PCDH9: variants seen among roughly 807,000 people sequenced by gnomAD.
The protein encoded by PCDH9 is protocadherin 9.
Under a neutral mutation model 70.6 loss-of-function variants are expected in PCDH9, and 24 were observed. That is an observed-to-expected ratio of 0.34 (90% CI 0.25 to 0.48). The LOEUF is 0.48. PCDH9 is among the 20% of genes least tolerant of loss of function. The probability of loss-of-function intolerance (pLI) is 0.99; values close to 1 mark genes in which losing one functional copy is unlikely to be tolerated. For synonymous variants in PCDH9, 562 were observed against 558.5 expected (o/e 1.01, Z -0.09); for missense variants, 1,281 against 1,503.6 (o/e 0.85, Z 2.45).
At chr13:66,675,455 A>G (rs1278396663) in intron 3 of PCDH9, among the ~76,000 whole-genome samples, 2 of 152,144 alleles carry the variant, frequency 1.3e-5, no homozygotes, top group Non-Finnish European at 2.9e-5. Context: ...GAATTATTGC[A>G]TGTTTCTGGT....
intron 3 of PCDH9, among the ~76,000 whole-genome samples, chr13:66,683,190 C>T (rs1476427932): frequency 6.6e-6 from 1 of 152,104 alleles, no homozygotes; most frequent in East Asian, 1.9e-4. Context: ...AGACTCTTCC[C>T]ATTCATCTTT....
At chr13:66,760,673 T>C (rs1350861334) in intron 3 of PCDH9, among the ~76,000 whole-genome samples, 3 of 152,146 alleles carry the variant, frequency 2.0e-5, no homozygotes, top group African/African-American at 7.2e-5. Flanking sequence ...ACAAAGGAGA[T>C]AACCATAAAG....
chr13:66,926,349 C>G (rs977636126), intron 2 of PCDH9, among the ~76,000 whole-genome samples: 2 of 151,932 alleles, frequency 1.3e-5, no homozygotes, highest in Non-Finnish European at 2.9e-5. Flanking sequence ...TTATTCACTA[C>G]CCAACCCACT....
intron 2 of PCDH9, among the ~76,000 whole-genome samples, chr13:67,068,832 T>C (rs1437448623): frequency 1.3e-5 from 2 of 152,306 alleles, no homozygotes; most frequent in South Asian, 4.1e-4. Flanking sequence ...AATTATCCTG[T>C]TATGTGAAAA....
chr13:66,962,071 A>C (rs971588670), intron 2 of PCDH9, among the ~76,000 whole-genome samples: 1 of 150,900 alleles, frequency 6.6e-6, no homozygotes, highest in Non-Finnish European at 1.5e-5. Flanking sequence ...AAACAAAACA[A>C]AAAAAAAAGA....
intron 4 of PCDH9, among the ~76,000 whole-genome samples, chr13:66,579,777 A>T (rs150912184): frequency 7.2e-5 from 11 of 152,204 alleles, no homozygotes; most frequent in Non-Finnish European, 1.0e-4. Flanking sequence ...AAGAAGGATA[A>T]AAGGTAGCAA....
intron 4 of PCDH9, among the ~76,000 whole-genome samples, chr13:66,485,412 G>C (rs1566362400): frequency 1.3e-5 from 2 of 152,072 alleles, no homozygotes; most frequent in Admixed American, 1.3e-4. Flanking sequence ...ATAATATGCT[G>C]GGCTGCTTAA....
intron 4 of PCDH9, among the ~76,000 whole-genome samples, chr13:66,369,181 T>G (rs1442968115): frequency 1.3e-5 from 2 of 152,074 alleles, no homozygotes; most frequent in Non-Finnish European, 2.9e-5. Flanking sequence ...TTTTTAAGGG[T>G]GAACATCTGT....
In PCDH9 at chr13:67,076,685, T is replaced by G. The variant is rs116733080; in HGVS notation, c.3036+148720A>C. ...CAGCATCTGCAAAGTCTTCTGTAAT[T>G]TCTATGAAAACTATTAATAGAAGTA... On this transcript the variant is annotated intron_variant, in intron 2 of 4. Coordinates refer to ENST00000377865, the MANE Select transcript of PCDH9 (RefSeq NM_203487.3). Among the ~76,000 whole-genome samples, 1,146 of 152,264 alleles carry G rather than the reference T, an allele frequency of 7.5e-3. 17 individuals carry two copies. Among genetic ancestry groups the G allele is most frequent in the African/African-American group, 0.026 (1,065 of 41,552 alleles).
intron 4 of PCDH9, among the ~76,000 whole-genome samples, chr13:66,542,594 T>C (rs1173972096): frequency 6.6e-6 from 1 of 151,532 alleles, no homozygotes; most frequent in Non-Finnish European, 1.5e-5. Flanking sequence ...TACAATCGTG[T>C]GAGCCTATTC....
intron 2 of PCDH9, among the ~76,000 whole-genome samples, chr13:66,934,419 C>T (rs1323603431): frequency 6.6e-6 from 1 of 151,050 alleles, no homozygotes; most frequent in Non-Finnish European, 1.5e-5. Flanking sequence ...CGAGTGCCTG[C>T]AATCCCAGCT....
intron 3 of PCDH9, among the ~76,000 whole-genome samples, chr13:66,858,469 T>C (rs1364644272): frequency 6.6e-6 from 1 of 152,182 alleles, no homozygotes; most frequent in Non-Finnish European, 1.5e-5. Flanking sequence ...CCTAACACCA[T>C]TGGGCCAGCC....
At chr13:66,890,437 A>G (rs1244409788) in intron 3 of PCDH9, among the ~76,000 whole-genome samples, 1 of 147,318 alleles carries the variant, frequency 6.8e-6, no homozygotes, top group African/African-American at 2.5e-5. Flanking sequence ...TCCTAACTGT[A>G]GACTTCTGAA....
chr13:66,746,301 A>C (rs1164602744), intron 3 of PCDH9, among the ~76,000 whole-genome samples: 1 of 152,212 alleles, frequency 6.6e-6, no homozygotes, highest in East Asian at 1.9e-4. Flanking sequence ...TAGGAATAAT[A>C]CTTGATTTGT....
Position 66,424,904 on chromosome 13 carries a change from A to G in PCDH9, c.3341-119876T>C, listed in dbSNP as rs547193948. On this transcript the variant is annotated intron_variant, in intron 4 of 4. Transcript: ENST00000377865. The stretch of plus-strand genomic sequence containing the variant: ...TTTCATTTCTTGTATTATACTGAAA[A>G]CTAAAGAAATAGTTAACTGGGAGCT... Among the ~76,000 whole-genome samples, 4 of 152,026 alleles carry G rather than the reference A, an allele frequency of 2.6e-5. No homozygotes were observed. The East Asian group carries it at 7.7e-4, about 29-fold the overall frequency.
intron 2 of PCDH9, among the ~76,000 whole-genome samples, chr13:67,139,307 G>A (rs2087313549): frequency 6.6e-6 from 1 of 152,192 alleles, no homozygotes; most frequent in African/African-American, 2.4e-5. Context: ...GAATCTGTGA[G>A]CAGCCTTATT....
At chr13:67,216,418 A>AT (rs2089602657) in intron 2 of PCDH9, 1 of 151,962 alleles carries the variant, frequency 6.6e-6, no homozygotes, top group Non-Finnish European at 1.5e-5. Flanking sequence ...AAAAATGATG[A>AT]TTTTGTATAA....
intron 4 of PCDH9, among the ~76,000 whole-genome samples, chr13:66,341,470 T>C (rs1469300149): frequency 6.6e-6 from 1 of 152,160 alleles, no homozygotes; most frequent in Non-Finnish European, 1.5e-5. Context: ...CACAAGGAGC[T>C]GTGGCAGCGG....
intron 2 of PCDH9, among the ~76,000 whole-genome samples, chr13:67,045,112 C>G (rs2139916978): frequency 6.6e-6 from 1 of 152,184 alleles, no homozygotes; most frequent in African/African-American, 2.4e-5. Flanking sequence ...TTATTCAGCT[C>G]TCCAAGAGGC....
Sources: allele counts gnomAD v4.1 joint callset (sites outside exome capture counted in the v4.1 genomes callset), GRCh38; gene constraint gnomAD v4.1.1; transcripts MANE v1.5; gene names NCBI Gene and HGNC (gene_info 2026-07-23, HGNC 2026-07-21).